Variants in DMD observed in about 807,000 individuals in gnomAD.
The protein encoded by DMD is mutant dystrophin.
Under a neutral mutation model 330.1 loss-of-function variants are expected in DMD, and 63 were observed. That is an observed-to-expected ratio of 0.19 (90% CI 0.16 to 0.24). The LOEUF is 0.24. Ranked by LOEUF, DMD falls within the 10% of genes least tolerant of loss-of-function variation. The probability of loss-of-function intolerance (pLI) is 1.00; values close to 1 mark genes in which losing one functional copy is unlikely to be tolerated. For missense variants in DMD, 3,344 were observed against 2,684.1 expected (o/e 1.25, Z -5.43); for synonymous variants, 1,223 against 959.8 (o/e 1.27, Z -5.07).
intron 48 of DMD, among the ~76,000 whole-genome samples, chrX:31,869,474 C>T (rs1360737198): frequency 9.6e-6 from 1 of 104,195 alleles, no homozygotes; most frequent in Non-Finnish European, 1.9e-5. Context: ...TTTTGTCCGT[C>T]CTTACCAATT....
intron 42 of DMD, among the ~76,000 whole-genome samples, chrX:32,291,559 T>C (rs2097468991): frequency 9.0e-6 from 1 of 111,673 alleles, no homozygotes. Context: ...TCAGCAGAAT[T>C]CAGTGACTGT....
intron 11 of DMD, among the ~76,000 whole-genome samples, chrX:32,621,614 C>T (rs554270078): frequency 8.2e-5 from 9 of 110,153 alleles, no homozygotes; most frequent in African/African-American, 1.7e-4. Context: ...CGCGAGTCCC[C>T]GAACCCAGCC....
At chrX:31,721,734 A>C (rs60266830) in intron 52 of DMD, among the ~76,000 whole-genome samples, 8,347 of 92,542 alleles carry the variant, frequency 0.09, 570 homozygotes, top group Admixed American at 0.27. Context: ...ATATATATAT[A>C]TATATATATA....
At position 31,522,363 on chromosome X, in the gene DMD, C is replaced by CTATATATATATATATA. The variant is rs1556678891; in HGVS notation, c.8218-14926_8218-14911dup. Among the ~76,000 whole-genome samples, 199 of 35,939 alleles carry CTATATATATATATATA rather than the reference C, an allele frequency of 5.5e-3. 4 individuals carry two copies. Among genetic ancestry groups the CTATATATATATATATA allele is most frequent in the Non-Finnish European group, 6.6e-3 (157 of 23,957 alleles). The allele number at this position is 35,939 out of a possible 115,157, so 31.2% of individuals were successfully genotyped here. A position where few individuals can be genotyped will look rare whatever the true frequency, so the allele number is the denominator to read the frequency against. ...TCTCTCTCTCTCTCTCTCTCTCTCT[C>CTATATATATATATATA]TATATATATATATATATATATATAG... is the stretch of plus-strand genomic sequence containing the variant. On this transcript the variant is annotated intron_variant, in intron 55 of 78. Transcript: ENST00000357033.
chrX:32,651,773 G>A (rs1049173220), intron 9 of DMD, among the ~76,000 whole-genome samples: 5 of 111,619 alleles, frequency 4.5e-5, no homozygotes, highest in Non-Finnish European at 9.4e-5. Flanking sequence ...CACCTACTAC[G>A]TAGCCACAAA....
At chrX:32,731,130 T>C (rs762748356) in intron 7 of DMD, among the ~76,000 whole-genome samples, 7 of 112,005 alleles carry the variant, frequency 6.2e-5, no homozygotes, top group South Asian at 3.8e-4. Flanking sequence ...TTCCCTTTCC[T>C]AGTCAAAGAA....
At chrX:33,277,175 G>A (rs1205415606) in intron 1 of DMD, among the ~76,000 whole-genome samples, 2 of 111,039 alleles carry the variant, frequency 1.8e-5, no homozygotes, top group Non-Finnish European at 3.8e-5. Context: ...GTCACAAGGG[G>A]CTGCATACAG....
At chrX:32,807,660 C>A (rs1232300095) in intron 7 of DMD, among the ~76,000 whole-genome samples, 1 of 110,904 alleles carries the variant, frequency 9.0e-6, no homozygotes, top group East Asian at 2.8e-4. Context: ...TGATTACAGG[C>A]TCGTCAACCT....
intron 43 of DMD, among the ~76,000 whole-genome samples, chrX:32,226,307 T>C (rs1466885380): frequency 8.9e-6 from 1 of 111,915 alleles, no homozygotes; most frequent in Non-Finnish European, 1.9e-5. Context: ...TTTTTTACTG[T>C]GGGCCTTTTG....
At chrX:32,723,227 G>T (rs149646565) in intron 7 of DMD, among the ~76,000 whole-genome samples, 1 of 111,268 alleles carries the variant, frequency 9.0e-6, no homozygotes, top group Admixed American at 9.6e-5. Flanking sequence ...GTAGTATGTC[G>T]CATTGATTGA....
intron 44 of DMD, among the ~76,000 whole-genome samples, chrX:32,142,015 C>T (rs2096756089): frequency 9.0e-6 from 1 of 111,574 alleles, no homozygotes. Flanking sequence ...GGCAACATAC[C>T]TTCCTTCATG....
At chrX:32,476,583 A>C (rs1275280602) in intron 21 of DMD, among the ~76,000 whole-genome samples, 1 of 112,189 alleles carries the variant, frequency 8.9e-6, no homozygotes, top group Non-Finnish European at 1.9e-5. Flanking sequence ...GACACTATGT[A>C]ATGACAGCAG....
intron 57 of DMD, among the ~76,000 whole-genome samples, chrX:31,483,736 A>C (rs2068565647): frequency 8.9e-6 from 1 of 112,638 alleles, no homozygotes; most frequent in South Asian, 3.6e-4. Flanking sequence ...CAGATTAAAT[A>C]CAAAAGGATA....
chrX:32,459,574 T>C lies in DMD; in HGVS notation c.3432+3865A>G, dbSNP rs895669869. On this transcript the variant is annotated intron_variant, in intron 25 of 78. Coordinates refer to ENST00000357033, the MANE Select transcript of DMD (RefSeq NM_004006.3). ...TCTTTTTCTCCGAAATAAATATGGC[T>C]AAGATGGAACCGCTAGTCACTCTAG... is the stretch of plus-strand genomic sequence containing the variant. Among the ~76,000 whole-genome samples, 10 of 111,555 alleles carry C rather than the reference T, an allele frequency of 9.0e-5. No homozygotes were observed. The East Asian group carries it at 2.8e-3, about 31-fold the overall frequency.
chrX:33,037,009 G>A (rs888921741), intron 1 of DMD, among the ~76,000 whole-genome samples: 1 of 111,006 alleles, frequency 9.0e-6, no homozygotes, highest in Non-Finnish European at 1.9e-5. Flanking sequence ...TTAGAGAGAA[G>A]GAGATGTGAC....
chrX:32,727,794 T>G (rs1025061551), intron 7 of DMD, among the ~76,000 whole-genome samples: 1 of 111,054 alleles, frequency 9.0e-6, no homozygotes, highest in Non-Finnish European at 1.9e-5. Flanking sequence ...TAAAATATAT[T>G]CCAATTCACT....
chrX:32,678,405 G>A (rs1453090940), intron 9 of DMD, among the ~76,000 whole-genome samples: 6 of 111,692 alleles, frequency 5.4e-5, no homozygotes, highest in Non-Finnish European at 1.1e-4. Flanking sequence ...TGAGCACAAT[G>A]TGCAGTAATA....
intron 7 of DMD, among the ~76,000 whole-genome samples, chrX:32,794,970 G>A (rs974679208): frequency 4.5e-5 from 5 of 112,003 alleles, no homozygotes; most frequent in East Asian, 2.8e-4. Context: ...GGAAAGGTCC[G>A]TATAAAATAC....
intron 74 of DMD, among the ~76,000 whole-genome samples, chrX:31,148,020 T>A (rs1399989786): frequency 9.0e-6 from 1 of 111,275 alleles, no homozygotes; most frequent in African/African-American, 3.3e-5. Flanking sequence ...CTTCAAAAGT[T>A]TTTTGAAGAA....
Sources: allele counts gnomAD v4.1 joint callset (sites outside exome capture counted in the v4.1 genomes callset), GRCh38; gene constraint gnomAD v4.1.1; transcripts MANE v1.5; gene names NCBI Gene and HGNC (gene_info 2026-07-23, HGNC 2026-07-21).